TUBGCP5: variants seen among roughly 807,000 people sequenced by gnomAD.
The protein encoded by TUBGCP5 is tubulin gamma complex component 5.
TUBGCP5 carries 98 observed loss-of-function variants against 134.7 expected under a neutral mutation model. The ratio of observed to expected loss-of-function variants is 0.73; its 90% CI spans 0.62 to 0.86. TUBGCP5 has a LOEUF of 0.86. Among genes scored for constraint, TUBGCP5 ranks in the 40% least tolerant of loss-of-function variants. The pLI, the probability that TUBGCP5 is intolerant of heterozygous loss-of-function variation, is 0.00. For synonymous variants in TUBGCP5, 456 were observed against 431.4 expected (o/e 1.06, Z -0.71); for missense variants, 1,150 against 1,244.8 (o/e 0.92, Z 1.15).
chr15:23,022,108 G>A lies in TUBGCP5; in HGVS notation c.1222C>T (p.Gln408Ter), dbSNP rs2065737510. 1.2e-6 allele frequency: 2 copies of A among 1,614,202 alleles called. No individual in the cohort carries two copies. Among genetic ancestry groups the A allele is most frequent in the Non-Finnish European group, 1.7e-6 (2 of 1,180,028 alleles). The change falls in exon 11 of 23, where the codon CAG becomes TAG. Residue 408 changes from glutamine to a stop codon, truncating the protein, a stop_gained. Transcript: ENST00000615383. LOFTEE classifies it high-confidence loss of function. ...AACACTTTGTGCAGAACCTTGAGCTGAGACAATCGAGGTGCCAACTTGTCC... is the reference window on the plus strand; with the variant it reads ...AACACTTTGTGCAGAACCTTGAGCTAAGACAATCGAGGTGCCAACTTGTCC... The part of the protein sequence containing the change: ...VVDKLAPRLS[Q>*]LKVLHKVFST...
intron 23 of TUBGCP5, among the ~76,000 whole-genome samples, chr15:22,990,144 T>C (rs2063803021): frequency 6.6e-6 from 1 of 152,134 alleles, no homozygotes; most frequent in South Asian, 2.1e-4. Context: ...CCACATGGCT[T>C]CTAGGGACAT....
chr15:23,017,644 A>T (rs751233174), intron 13 of TUBGCP5, 129 bp downstream of exon 13: 1 of 920,092 alleles, frequency 1.1e-6, no homozygotes, highest in Non-Finnish European at 1.6e-6. Context: ...AACCATGACG[A>T]TAATTGCCAC....
At chr15:22,994,978 T>C (rs2064001212), downstream of TUBGCP5, among the ~76,000 whole-genome samples, 1 of 152,126 alleles carries the variant, frequency 6.6e-6, no homozygotes, top group African/African-American at 2.4e-5. Context: ...GGGCAGTGGC[T>C]CATGCCTGTA....
rs190787319 is a variant in TUBGCP5, at chr15:23,002,817, G to A, written c.2927+248C>T. ...TATAACATGAGTATAATCTAAAAAT[G>A]TTTGCTTGTTTAAATCAGAAGACCT... On this transcript the variant is annotated intron_variant, in intron 21 of 22. Transcript: ENST00000615383. 9.4e-3 allele frequency among the ~76,000 whole-genome samples: 1,429 copies of A among 151,556 alleles called. 13 individuals carry two copies. Among genetic ancestry groups the A allele is most frequent in the Middle Eastern group, 0.059 (17 of 290 alleles).
Position 23,013,087 on chromosome 15 carries a change from T to A in TUBGCP5, c.1757-1756A>T, listed in dbSNP as rs1210636536. Among the ~76,000 whole-genome samples, 2 of 149,134 alleles carry A rather than the reference T, an allele frequency of 1.3e-5. No homozygotes were observed. The highest frequency in any genetic ancestry group is 3.0e-5 in the Non-Finnish European group (2 of 67,424). On this transcript the variant is annotated intron_variant, in intron 13 of 22. Transcript: ENST00000615383. The surrounding 1 kb of genome is among the most constrained non-coding windows in gnomAD (Gnocchi z 4.5). ...CACTGCACTCCAGTCGCCAGCAAGG[T>A]GGCTGCCTGGAGACGTCTGGTGTTC...
chr15:23,016,134 G>T (rs1451969636), intron 13 of TUBGCP5, among the ~76,000 whole-genome samples: 6 of 152,314 alleles, frequency 3.9e-5, no homozygotes, highest in Admixed American at 3.3e-4. Flanking sequence ...ATCAGGAAAA[G>T]AATGATTTGA....
rs766889266 is a variant in TUBGCP5 at position 23,017,990 on chromosome 15, C to T, written c.1539G>A (p.Thr513=). 12 of 1,613,952 alleles carry T rather than the reference C, an allele frequency of 7.4e-6. No homozygotes were observed. Among genetic ancestry groups the T allele is most frequent in the East Asian group, 2.2e-5 (1 of 44,902 alleles). Residue 513 remains threonine (T), a synonymous_variant, in exon 13 of 23, where the codon ACG becomes ACA. Transcript: ENST00000615383. ...NHRDFWYATY[T]LYSVSEKTEN... The stretch of plus-strand genomic sequence containing the variant: ...CTGTCTTTTCTGATACGCTATATAA[C>T]GTGTAAGTTGCATACCAGAAGTCTC...
In TUBGCP5 at chr15:23,027,238, G is replaced by A. The variant is rs776388294; in HGVS notation, c.691C>T (p.Gln231Ter). The A allele has an allele frequency of 6.2e-7, 1 of 1,614,020 alleles. No homozygotes were observed. The highest frequency in any genetic ancestry group is 8.5e-7 in the Non-Finnish European group (1 of 1,179,974). ...VHQYWTARPS[Q>*]FPHSLHLHSN... Reference sequence around the variant, plus strand: ...TGCAAATGTAAACTATGAGGAAACTGGGAGGGCCTGGCTGTCCAGTACTGA... The same window carrying A: ...TGCAAATGTAAACTATGAGGAAACTAGGAGGGCCTGGCTGTCCAGTACTGA... The change falls in exon 7 of 23, where the codon CAG (glutamine) becomes TAG (stop). Residue 231 changes from glutamine to a stop codon, truncating the protein, a stop_gained. Transcript: ENST00000615383. LOFTEE classifies it high-confidence loss of function.
intron 3 of TUBGCP5, among the ~76,000 whole-genome samples, chr15:23,034,180 C>T (rs1158129213): frequency 6.6e-6 from 1 of 152,168 alleles, no homozygotes; most frequent in Non-Finnish European, 1.5e-5. Flanking sequence ...CCTTTGAAGG[C>T]TCTGGAACTT....
chr15:23,015,112 T>TCTTG (rs2065239205), intron 13 of TUBGCP5, among the ~76,000 whole-genome samples: 1 of 152,028 alleles, frequency 6.6e-6, no homozygotes, highest in African/African-American at 2.4e-5. Context: ...TGGGACAGAG[T>TCTTG]CTTGCTTTGT....
At chr15:23,033,446 CTT>C (rs1322495057) in intron 3 of TUBGCP5, among the ~76,000 whole-genome samples, 6 of 151,900 alleles carry the variant, frequency 3.9e-5, no homozygotes, top group Admixed American at 3.3e-4. Flanking sequence ...GCCCGGGTAA[CTT>C]TTGTATTTTT....
chr15:22,992,790 TGTTACCTGAC>T (rs2063890849), intron 23 of TUBGCP5, among the ~76,000 whole-genome samples: 1 of 152,186 alleles, frequency 6.6e-6, no homozygotes, highest in South Asian at 2.1e-4. Context: ...TTAGCCCTGC[TGTTACCTGAC>T]GTTACATGGA....
chr15:23,000,757 A>G, intron 21 of TUBGCP5, 88 bp from the exon 22 acceptor site: 1 of 995,050 alleles, frequency 1.0e-6, no homozygotes, highest in Non-Finnish European at 1.4e-6. Context: ...TTTCAAATGT[A>G]TTTTGGTTTA....
chr15:22,998,965 G>A, downstream of TUBGCP5, among the ~76,000 whole-genome samples: 1 of 152,160 alleles, frequency 6.6e-6, no homozygotes, highest in East Asian at 1.9e-4. Context: ...CTCATATGTT[G>A]CCTAGGCAGG....
chr15:22,997,807 A>G (rs955938772), downstream of TUBGCP5, among the ~76,000 whole-genome samples: 7 of 147,900 alleles, frequency 4.7e-5, no homozygotes, highest in African/African-American at 1.7e-4. Context: ...TAGTAGAGAC[A>G]AGGTTTCACC....
chr15:23,000,473 T>A (rs2064305311), intron 22 of TUBGCP5, 96 bp downstream of exon 22: 3 of 1,532,144 alleles, frequency 2.0e-6, no homozygotes, highest in Non-Finnish European at 2.6e-6. Flanking sequence ...TGGTGAGAAT[T>A]TCTAATTCTT....
At chr15:23,010,175 T>C in intron 14 of TUBGCP5, 42 bp from the exon 15 acceptor site, 1 of 1,572,022 alleles carries the variant, frequency 6.4e-7, no homozygotes, top group Non-Finnish European at 8.7e-7. Context: ...TGAGCTGCTG[T>C]CAACAGAACT....
chr15:23,016,991 T>C (rs1018173465), intron 13 of TUBGCP5, among the ~76,000 whole-genome samples: 1 of 148,098 alleles, frequency 6.8e-6, no homozygotes, highest in African/African-American at 2.5e-5. Context: ...TATATATGTA[T>C]ATATCTTGAA....
chr15:23,029,072 A>G (rs34871749), intron 6 of TUBGCP5, among the ~76,000 whole-genome samples: 20,452 of 152,114 alleles, frequency 0.13, 1,812 homozygotes, highest in East Asian at 0.46. Context: ...ATGAACACTC[A>G]AGATGTTTAA....
Sources: allele counts gnomAD v4.1 joint callset (sites outside exome capture counted in the v4.1 genomes callset), GRCh38; gene constraint gnomAD v4.1.1; non-coding constraint Gnocchi (gnomAD v3.1); transcripts MANE v1.5; gene names NCBI Gene and HGNC (gene_info 2026-07-23, HGNC 2026-07-21).